The following RC3H2 variants were observed in gnomAD, a reference collection of about 807,000 sequenced individuals.
RC3H2 encodes the protein roquin-2.
RC3H2 carries 31 observed loss-of-function variants against 133.3 expected under a neutral mutation model. The observed-to-expected ratio is 0.23, with a 90% CI of 0.17 to 0.31. RC3H2 has a LOEUF of 0.31. Ranked by LOEUF, RC3H2 falls within the 10% of genes least tolerant of loss-of-function variation. The pLI is 1.00. For synonymous variants in RC3H2, 517 were observed against 502.2 expected (o/e 1.03, Z -0.40); for missense variants, 1,175 against 1,437.2 (o/e 0.82, Z 2.95).
chr9:122,894,863 G>C (rs1163797314), intron 2 of RC3H2, among the ~76,000 whole-genome samples: 2 of 152,190 alleles, frequency 1.3e-5, no homozygotes, highest in Admixed American at 1.3e-4. Context: ...CTGGGTGACA[G>C]TGAGAGATTC....
At chr9:122,874,949 C>T (rs1831267361) in intron 9 of RC3H2, 1 of 448,952 alleles carries the variant, frequency 2.2e-6, no homozygotes, top group Admixed American at 3.7e-5. Flanking sequence ...GGATTTTCAG[C>T]CTGGGCACTA....
At position 122,868,837 on chromosome 9, in the gene RC3H2, ATATGTGTG is replaced by A. The variant is rs1384472607; in HGVS notation, c.1326-3188_1326-3181del. ...ATAATCCTTAACAATATTCCCTCCT[ATATGTGTG>A]TGTGTGTGTGTGTGTGTGTGTGTGT... On this transcript the variant is annotated intron_variant, in intron 9 of 20. Coordinates refer to ENST00000357244, the MANE Select transcript of RC3H2 (RefSeq NM_001100588.3). Among the ~76,000 whole-genome samples, 926 of 122,848 alleles carry A rather than the reference ATATGTGTG, an allele frequency of 7.5e-3. 4 individuals carry two copies. The highest frequency in any genetic ancestry group is 0.022 in the African/African-American group (666 of 30,192). 80.6% of individuals were successfully genotyped at this position (122,848 alleles called of 152,430 possible).
intron 10 of RC3H2, 97 bp from the exon 11 acceptor site, chr9:122,860,228 T>A: frequency 3.3e-6 from 3 of 913,076 alleles, no homozygotes; most frequent in Non-Finnish European, 5.1e-6. Flanking sequence ...CTGAAACCAC[T>A]AATAGAAAAC....
chr9:122,848,441 C>G lies in RC3H2; in HGVS notation c.*1186G>C, dbSNP rs1411906799. ...GAACACATTGTATACTTTCAGATGC[C>G]AAGTCAAAACCATTTCAGTCACATT... On this transcript the variant is annotated 3_prime_UTR_variant, in exon 21 of 21. Transcript: ENST00000357244. The G allele has an allele frequency of 6.6e-6, 1 of 152,056 alleles. No individual in the cohort carries two copies. Among genetic ancestry groups the G allele is most frequent in the Non-Finnish European group, 1.5e-5 (1 of 67,986 alleles). The allele number at this position is 152,056 out of a possible 1,614,324, so 9.4% of individuals were successfully genotyped here. A position where few individuals can be genotyped will look rare whatever the true frequency, so the allele number is the denominator to read the frequency against.
chr9:122,890,424 G>A lies in RC3H2; in HGVS notation c.471C>T (p.Ser157=), dbSNP rs951131900. 1.2e-6 allele frequency: 2 copies of A among 1,613,954 alleles called. No homozygotes were observed. Among genetic ancestry groups the A allele is most frequent in the African/African-American group, 1.3e-5 (1 of 74,890 alleles). The change falls in exon 4 of 21, where the codon TCC becomes TCT. Residue 157 remains serine, a synonymous_variant. Coordinates refer to ENST00000357244, the MANE Select transcript of RC3H2 (RefSeq NM_001100588.3). ...GTTCTGTTACAGTTCTTTCTCCAAG[G>A]GAACGAGCTGCTCGCATGGCTCTTA... is the stretch of plus-strand genomic sequence containing the variant. The part of the protein sequence containing the change: ...GRVRAMRAAR[S]LGERTVTELI...
At position 122,893,029 on chromosome 9, in the gene RC3H2, T is replaced by TAA. The variant is rs747020595; in HGVS notation, c.232-5_232-4dup. The TAA allele has an allele frequency of 5.2e-4, 774 of 1,476,024 alleles. No homozygotes were observed. Among genetic ancestry groups the TAA allele is most frequent in the South Asian group, 1.7e-3 (134 of 79,982 alleles). The allele number at this position is 1,476,024 out of a possible 1,614,324, so 91.4% of individuals were successfully genotyped here. Reference sequence around the variant, plus strand: ...TTAATTGACTGATGATCTGGTACCTTAAAAAAAAAAAAAAAGGAATATTGC... The same window carrying TAA: ...TTAATTGACTGATGATCTGGTACCTTAAAAAAAAAAAAAAAAAGGAATATTGC... On this transcript the variant is annotated splice_region_variant and splice_polypyrimidine_tract_variant and intron_variant, in intron 2 of 20. Coordinates refer to ENST00000357244, the MANE Select transcript of RC3H2 (RefSeq NM_001100588.3).
In RC3H2 at chr9:122,905,348, A is replaced by T; in HGVS notation, c.-306T>A. The T allele has an allele frequency of 1.1e-6, 1 of 947,064 alleles. No homozygotes were observed. Among genetic ancestry groups the T allele is most frequent in the Non-Finnish European group, 1.3e-6 (1 of 794,938 alleles). The allele number at this position is 947,064 out of a possible 1,614,324, so 58.7% of individuals were successfully genotyped here. A position where few individuals can be genotyped will look rare whatever the true frequency, so the allele number is the denominator to read the frequency against. On this transcript the variant is annotated 5_prime_UTR_variant, in exon 1 of 21. Coordinates refer to ENST00000357244, the MANE Select transcript of RC3H2 (RefSeq NM_001100588.3). The stretch of plus-strand genomic sequence containing the variant: ...CTCCTCCTCCTCACCACGGAGGCGG[A>T]CCTGGAGGGATCCCGATCTAGCTCT...
chr9:122,883,434 T>G, intron 4 of RC3H2, 55 bp from the exon 5 acceptor site: 1 of 1,423,238 alleles, frequency 7.0e-7, no homozygotes, highest in Non-Finnish European at 9.5e-7. Context: ...CATCAGATCA[T>G]GTGTGTCATA....
chr9:122,855,710 T>C, intron 14 of RC3H2, 22 bp downstream of exon 14: 2 of 1,602,794 alleles, frequency 1.2e-6, no homozygotes, highest in Non-Finnish European at 8.5e-7. Flanking sequence ...CTCCAACCCC[T>C]GCAACCCCAG....
chr9:122,851,323 T>G lies in RC3H2; in HGVS notation c.3231A>C (p.Glu1077Asp). ...DEPDGQSEPI[E>D]EILDIQLGIS... ...TCAATTATCTAATTGTGGCACTTAC[T>G]TCAATTGGTTCACTTTGTCCATCAG... Residue 1077 changes from glutamate (E) to aspartate (D), a missense_variant and splice_region_variant, in exon 19 of 21, where the codon GAA becomes GAC. Transcript: ENST00000357244. The G allele has an allele frequency of 5.0e-6, 8 of 1,613,638 alleles. No individual in the cohort carries two copies. The highest frequency in any genetic ancestry group is 6.8e-6 in the Non-Finnish European group (8 of 1,179,498).
At position 122,859,906 on chromosome 9, in the gene RC3H2, A is replaced by C; in HGVS notation, c.1849+11T>G. 1 of 1,588,388 alleles carries C rather than the reference A, an allele frequency of 6.3e-7. No homozygotes were observed. Among genetic ancestry groups the C allele is most frequent in the South Asian group, 1.1e-5 (1 of 90,396 alleles). ...TTTCTTTTTTTCTTAGAATTGTCTAAAATTACTCACCTGTCTGTGGGTACT... is the reference window on the plus strand; with the variant it reads ...TTTCTTTTTTTCTTAGAATTGTCTACAATTACTCACCTGTCTGTGGGTACT... On this transcript the variant is annotated intron_variant, in intron 11 of 20. Transcript: ENST00000357244.
Position 122,849,587 on chromosome 9 carries a change from T to G in RC3H2, c.*40A>C, listed in dbSNP as rs1829942308. The stretch of plus-strand genomic sequence containing the variant: ...ATATATAAAAAGCTAGTGTAAATGC[T>G]TCCATGGTGTGGTCACAAATTTGAA... On this transcript the variant is annotated 3_prime_UTR_variant, in exon 21 of 21. Transcript: ENST00000357244. 3.9e-6 allele frequency: 5 copies of G among 1,289,424 alleles called. No individual in the cohort carries two copies. Among genetic ancestry groups the G allele is most frequent in the Non-Finnish European group, 5.5e-6 (5 of 908,876 alleles). The allele number at this position is 1,289,424 out of a possible 1,614,324, so 79.9% of individuals were successfully genotyped here.
intron 3 of RC3H2, among the ~76,000 whole-genome samples, chr9:122,891,563 C>G (rs574225587): frequency 2.8e-4 from 43 of 152,280 alleles, no homozygotes; most frequent in African/African-American, 7.7e-4. Flanking sequence ...CTTATTTTAT[C>G]TGACCTTCCA....
Position 122,880,101 on chromosome 9 carries a change from T to C in RC3H2, c.985A>G (p.Lys329Glu). 1.2e-6 allele frequency: 2 copies of C among 1,614,206 alleles called. No homozygotes were observed. The highest frequency in any genetic ancestry group is 1.7e-6 in the Non-Finnish European group (2 of 1,180,020). ...ACAATTGTCAATTCCTGGACACTCT[T>C]TGCAAATGACTCTGGAGACTGTAGC... ...DKLQSPESFA[K>E]SVQELTIVLQ... Residue 329 changes from lysine (K) to glutamate (E), a missense_variant, in exon 7 of 21, where the codon AAG becomes GAG. Lys to Glu is a moderately conservative substitution (Grantham distance 56). Coordinates refer to ENST00000357244, the MANE Select transcript of RC3H2 (RefSeq NM_001100588.3).
chr9:122,883,521 A>G (rs149174661), intron 4 of RC3H2, 142 bp from the exon 5 acceptor site: 1 of 542,556 alleles, frequency 1.8e-6, no homozygotes, highest in East Asian at 3.3e-5. Flanking sequence ...AGGACATCAC[A>G]CGTACATAAT....
Position 122,874,060 on chromosome 9 carries a change from G to A in RC3H2, c.1325+3411C>T, listed in dbSNP as rs1831228153. 2 of 152,160 alleles carry A rather than the reference G, an allele frequency of 1.3e-5. 1 individual carries two copies. The highest frequency in any genetic ancestry group is 4.1e-4 in the South Asian group (2 of 4,824). The allele number at this position is 152,160 out of a possible 1,614,324, so 9.4% of individuals were successfully genotyped here. On this transcript the variant is annotated intron_variant, in intron 9 of 20. Coordinates refer to ENST00000357244, the MANE Select transcript of RC3H2 (RefSeq NM_001100588.3). ...TGAAGGATGCAATTAACACTGCCTA[G>A]GGAAGTCTGTGGAGGGAAGATAATA...
At chr9:122,893,770 C>A (rs865982275) in intron 2 of RC3H2, among the ~76,000 whole-genome samples, 1 of 152,094 alleles carries the variant, frequency 6.6e-6, no homozygotes, top group Middle Eastern at 3.4e-3. Flanking sequence ...GCACTTATCA[C>A]CTTTTTACTA....
At position 122,880,742 on chromosome 9, in the gene RC3H2, C is replaced by T. The variant is rs777562155; in HGVS notation, c.812G>A (p.Arg271Gln). 4.3e-6 allele frequency: 7 copies of T among 1,614,060 alleles called. No homozygotes were observed. Among genetic ancestry groups the T allele is most frequent in the South Asian group, 2.2e-5 (2 of 91,086 alleles). The change falls in exon 6 of 21, where the codon CGG becomes CAG. Residue 271 changes from arginine (R) to glutamine (Q), a missense_variant. By Grantham distance (43) the Arg-to-Gln change is conservative (BLOSUM62 1). Around this residue, in one of 8 missense-constraint regions of RC3H2, gnomAD observed 121 missense variants for 243.5 expected, o/e 0.50. Transcript: ENST00000357244. Reference sequence around the variant, plus strand: ...TTCTCTGCGTAATGCTTCATAACTCCGAAATTCCTCCTTCAGCTGCATTAG... The same window carrying T: ...TTCTCTGCGTAATGCTTCATAACTCTGAAATTCCTCCTTCAGCTGCATTAG... The part of the protein sequence containing the change: ...SSLMQLKEEF[R>Q]SYEALRREHD...
Position 122,846,417 on chromosome 9 carries a change from G to A in RC3H2, c.*3210C>T, listed in dbSNP as rs1032599447. 5.3e-5 allele frequency: 8 copies of A among 152,188 alleles called. No homozygotes were observed. The highest frequency in any genetic ancestry group is 1.9e-4 in the African/African-American group (8 of 41,524). 9.4% of individuals were successfully genotyped at this position (152,188 alleles called of 1,614,324 possible). ...CACATGGCATTGAAAATAAGACGTG[G>A]CAGCAAAGGCAAGGGAATCTGCTTT... is the stretch of plus-strand genomic sequence containing the variant. On this transcript the variant is annotated 3_prime_UTR_variant, in exon 21 of 21. Transcript: ENST00000357244.
Sources: gnomAD v4.1 joint callset for allele counts (sites outside exome capture counted in the v4.1 genomes callset) on GRCh38, gnomAD v4.1.1 for gene constraint, gnomAD v4.1.1 regional missense constraint, MANE v1.5 for transcripts, NCBI Gene and HGNC (gene_info 2026-07-23, HGNC 2026-07-21) for gene names.